The following KIF21B variants were observed in gnomAD, a reference collection of about 807,000 sequenced individuals.
The protein encoded by KIF21B is kinesin-like protein KIF21B.
A neutral mutation model predicts 192.9 loss-of-function variants in KIF21B; 85 were observed. The observed-to-expected ratio is 0.44, with a 90% CI of 0.37 to 0.53. The LOEUF (loss-of-function observed/expected upper bound fraction) is 0.53. Among genes scored for constraint, KIF21B ranks in the 20% least tolerant of loss-of-function variants. The probability of loss-of-function intolerance (pLI) is 0.00; values close to 1 mark genes in which losing one functional copy is unlikely to be tolerated. For missense variants in KIF21B, 1,716 were observed against 2,194.8 expected (o/e 0.78, Z 4.36); for synonymous variants, 832 against 884.6 (o/e 0.94, Z 1.05).
rs1168092956 is a variant in KIF21B, at chr1:200,981,005, G to A, written c.3934C>T (p.Leu1312Phe). The change falls in exon 29 of 35, where the codon CTC becomes TTC. Residue 1312 changes from leucine to phenylalanine, a missense_variant. Physicochemically the swap from Leu to Phe is conservative, Grantham distance 22. This residue lies in a region of KIF21B where 580 missense variants were observed against 775.5 expected (regional missense o/e 0.75). Transcript: ENST00000461742. Reference protein sequence around the residue: ...SMAEGHTKPILCLDATDELLF... With the variant: ...SMAEGHTKPIFCLDATDELLF... ...AACTCATCTGTGGCATCCAGGCAGA[G>A]GATGGGCTTGGTGTGGCCTTCGGCC... 1 of 1,611,484 alleles carries A rather than the reference G, an allele frequency of 6.2e-7. No individual in the cohort carries two copies. The highest frequency in any genetic ancestry group is 1.3e-5 in the African/African-American group (1 of 74,812).
chr1:201,006,935 G>T (rs1363730995), intron 3 of KIF21B, among the ~76,000 whole-genome samples: 1 of 113,906 alleles, frequency 8.8e-6, no homozygotes, highest in African/African-American at 3.4e-5. Flanking sequence ...CACACACACA[G>T]AGACAGACAC....
intron 31 of KIF21B, 33 bp from the exon 32 acceptor site, chr1:200,976,926 T>A: frequency 6.6e-7 from 1 of 1,521,140 alleles, no homozygotes; most frequent in Non-Finnish European, 9.1e-7. Context: ...CAGGGGTAGG[T>A]GAATTAGAGG....
intron 15 of KIF21B, among the ~76,000 whole-genome samples, chr1:200,993,191 C>T (rs1420144643): frequency 6.6e-6 from 1 of 152,264 alleles, no homozygotes; most frequent in African/African-American, 2.4e-5. Flanking sequence ...AAGCCACTGA[C>T]CTCGGGCCCT....
At position 200,996,506 on chromosome 1, in the gene KIF21B, C is replaced by A. The variant is rs796590546; in HGVS notation, c.2078-111G>T. ...CCTCTGTTCCAGTCTCATTGTATGA[C>A]CTTGGGCAAGTCACACCCCTCTCTG... On this transcript the variant is annotated intron_variant, in intron 14 of 34. Coordinates refer to ENST00000461742, the MANE Select transcript of KIF21B (RefSeq NM_001252102.2). 3.6e-5 allele frequency: 35 copies of A among 967,816 alleles called. No individual in the cohort carries two copies. The African/African-American group carries it at 5.0e-4, about 14-fold the overall frequency. 60.0% of individuals were successfully genotyped at this position (967,816 alleles called of 1,614,324 possible).
At position 201,008,862 on chromosome 1, in the gene KIF21B, T is replaced by G. The variant is rs137984276; in HGVS notation, c.354A>C (p.Ala118=). Residue 118 remains alanine (A), a synonymous_variant, in exon 3 of 35, where the codon GCA becomes GCC. Transcript: ENST00000461742. ...EEQGIIPRAI[A]HLFGGIAERK... is the part of the protein sequence containing the mutation. The stretch of plus-strand genomic sequence containing the variant: ...GCTCGGCAATGCCCCCAAAGAGGTG[T>G]GCGATGGCCCTCGGGATGATGCCCT... The G allele has an allele frequency of 8.4e-4, 1,361 of 1,611,096 alleles. 14 individuals carry two copies. The African/African-American group carries it at 0.016, about 19-fold the overall frequency.
intron 2 of KIF21B, 129 bp downstream of exon 2, chr1:201,009,137 C>T (rs1299968900): frequency 1.2e-5 from 13 of 1,124,884 alleles, no homozygotes; most frequent in African/African-American, 7.8e-5. Flanking sequence ...AGCGGTGCAA[C>T]GGCCTCCTTA....
At chr1:200,988,417 G>A (rs939178665) in intron 23 of KIF21B, 64 bp from the exon 24 acceptor site, 74 of 1,610,568 alleles carry the variant, frequency 4.6e-5, no homozygotes, top group Non-Finnish European at 6.3e-5. Flanking sequence ...TCAGCCCTGG[G>A]ACCTATGGCA....
At position 200,999,213 on chromosome 1, in the gene KIF21B, G is replaced by A. The variant is rs1177913038; in HGVS notation, c.1885+136C>T. The stretch of plus-strand genomic sequence containing the variant: ...GTTTGCCATCATTCTCATCATGACT[G>A]CCTGTTGTCATTGGTTTCACGTCTG... On this transcript the variant is annotated intron_variant, in intron 13 of 34. Coordinates refer to ENST00000461742, the MANE Select transcript of KIF21B (RefSeq NM_001252102.2). The surrounding 1 kb of genome is among the most constrained non-coding windows in gnomAD (Gnocchi z 4.7). The A allele has an allele frequency of 2.0e-6, 2 of 1,013,028 alleles. No individual in the cohort carries two copies. The highest frequency in any genetic ancestry group is 3.1e-5 in the African/African-American group (2 of 63,680). 62.8% of individuals were successfully genotyped at this position (1,013,028 alleles called of 1,614,324 possible). A position where few individuals can be genotyped will look rare whatever the true frequency, so the allele number is the denominator to read the frequency against.
chr1:201,002,489 G>T (rs917765311), intron 8 of KIF21B, 139 bp from the exon 9 acceptor site: 4 of 712,846 alleles, frequency 5.6e-6, no homozygotes, highest in African/African-American at 3.5e-5. Context: ...CCTGCCCCAG[G>T]TTTCCTAAAA....
chr1:201,023,272 C>T lies in KIF21B; in HGVS notation c.41+71G>A. On this transcript the variant is annotated intron_variant, in intron 1 of 34. Transcript: ENST00000461742. This position sits in a 1 kb window ranked among gnomAD's most constrained non-coding sequence, Gnocchi z 5.9. ...CCAGCCCAAGCGGTGCTCGCGCCCC[C>T]CGCCCAAAGCCCACGCGAGACAAAG... The T allele has an allele frequency of 1.5e-6, 2 of 1,376,504 alleles. No individual in the cohort carries two copies. The highest frequency in any genetic ancestry group is 1.9e-6 in the Non-Finnish European group (2 of 1,025,656). The allele number at this position is 1,376,504 out of a possible 1,614,324, so 85.3% of individuals were successfully genotyped here.
chr1:200,975,634 G>C lies in KIF21B; in HGVS notation c.4479C>G (p.Ile1493Met), dbSNP rs143966011. ...GGGGCTCGAAGTTGTGAGTGGGGCC[G>C]ATGGTGCCCGTCACACACTCGCCCA... ...FELGECVTGTIGPTHNFEPPH... is the reference protein window; with the variant it reads ...FELGECVTGTMGPTHNFEPPH... Residue 1493 changes from isoleucine to methionine, a missense_variant, in exon 33 of 35, where the codon ATC (isoleucine) becomes ATG (methionine). Around this residue, in one of 3 missense-constraint regions of KIF21B, gnomAD observed 580 missense variants for 775.5 expected, o/e 0.75. Coordinates refer to ENST00000461742, the MANE Select transcript of KIF21B (RefSeq NM_001252102.2). This position sits in a 1 kb window ranked among gnomAD's most constrained non-coding sequence, Gnocchi z 4.3. 1.2e-6 allele frequency: 2 copies of C among 1,613,592 alleles called. No individual in the cohort carries two copies. Among genetic ancestry groups the C allele is most frequent in the Non-Finnish European group, 1.7e-6 (2 of 1,179,642 alleles).
At position 200,975,416 on chromosome 1, in the gene KIF21B, G is replaced by T; in HGVS notation, c.4614+83C>A. ...ATCTGGCCTGGGGCCCGCGAGTCCA[G>T]GTCCCAGGGTCTCCAAGGCCCTGCG... On this transcript the variant is annotated intron_variant, in intron 33 of 34. Transcript: ENST00000461742. The surrounding 1 kb of genome is among the most constrained non-coding windows in gnomAD (Gnocchi z 4.3). 1 of 1,334,306 alleles carries T rather than the reference G, an allele frequency of 7.5e-7. No individual in the cohort carries two copies. The highest frequency in any genetic ancestry group is 1.0e-6 in the Non-Finnish European group (1 of 959,032). 82.7% of individuals were successfully genotyped at this position (1,334,306 alleles called of 1,614,324 possible). A position where few individuals can be genotyped will look rare whatever the true frequency, so the allele number is the denominator to read the frequency against.
chr1:200,981,678 T>C (rs376616270), intron 28 of KIF21B, among the ~76,000 whole-genome samples: 1 of 152,184 alleles, frequency 6.6e-6, no homozygotes, highest in African/African-American at 2.4e-5. Context: ...ACACACTCCT[T>C]TTGGACCAGC....
At chr1:200,983,261 G>A (rs1304242439) in intron 27 of KIF21B, among the ~76,000 whole-genome samples, 167 bp from the exon 28 acceptor site, 2 of 152,136 alleles carry the variant, frequency 1.3e-5, no homozygotes, top group African/African-American at 4.8e-5. Flanking sequence ...GGGAGGAGGT[G>A]GGTGGGCTGG....
chr1:201,020,077 C>G (rs577918511), intron 1 of KIF21B, among the ~76,000 whole-genome samples: 41 of 152,072 alleles, frequency 2.7e-4, no homozygotes, highest in South Asian at 1.0e-3. Context: ...CCTGTAGTAT[C>G]AACAGATGGA....
intron 31 of KIF21B, 73 bp downstream of exon 31, chr1:200,977,139 C>A: frequency 6.5e-7 from 1 of 1,531,048 alleles, no homozygotes; most frequent in South Asian, 1.2e-5. Context: ...TGGGGTGGGT[C>A]CCCCTGAACC....
In KIF21B at chr1:201,009,379, C is replaced by T; in HGVS notation, c.151G>A (p.Asp51Asn). ...CAGGTGTCCAGGTCGAAGACAAAGT[C>T]ATAGGTGAAGGCCTTGTCCTTCCCC... ...LLGKDKAFTY[D>N]FVFDLDTWQE... The change falls in exon 2 of 35, where the codon GAC becomes AAC. Residue 51 changes from aspartate (D) to asparagine (N), a missense_variant. This residue lies in a region of KIF21B where 1,087 missense variants were observed against 1,316.6 expected (regional missense o/e 0.83). Transcript: ENST00000461742. 5.0e-6 allele frequency: 8 copies of T among 1,614,256 alleles called. No homozygotes were observed. The highest frequency in any genetic ancestry group is 6.8e-6 in the Non-Finnish European group (8 of 1,180,044).
In KIF21B at chr1:200,990,845, C is replaced by A; in HGVS notation, c.2687+72G>T. 6.3e-7 allele frequency: 1 copy of A among 1,599,646 alleles called. No homozygotes were observed. The highest frequency in any genetic ancestry group is 8.6e-7 in the Non-Finnish European group (1 of 1,168,934). ...AGCACTCCCCAGAGCTTCCCTCTTC[C>A]TCACCCTGGCCCTGCCCCATATTCC... is the stretch of plus-strand genomic sequence containing the variant. On this transcript the variant is annotated intron_variant, in intron 18 of 34. Coordinates refer to ENST00000461742, the MANE Select transcript of KIF21B (RefSeq NM_001252102.2). This position sits in a 1 kb window ranked among gnomAD's most constrained non-coding sequence, Gnocchi z 5.4.
intron 2 of KIF21B, 128 bp downstream of exon 2, chr1:201,009,138 G>C (rs962865336): frequency 1.8e-6 from 2 of 1,123,452 alleles, no homozygotes; most frequent in East Asian, 5.1e-5. Flanking sequence ...GCGGTGCAAC[G>C]GCCTCCTTAG....
Sources: allele counts gnomAD v4.1 joint callset (sites outside exome capture counted in the v4.1 genomes callset), GRCh38; gene constraint gnomAD v4.1.1; regional missense constraint gnomAD v4.1.1; non-coding constraint Gnocchi (gnomAD v3.1); transcripts MANE v1.5; gene names NCBI Gene and HGNC (gene_info 2026-07-23, HGNC 2026-07-21).